Variants in CYP4F3 observed in about 807,000 individuals in gnomAD.
CYP4F3 encodes the protein cytochrome P450 family 4 subfamily F member 3.
Under a neutral mutation model 54.8 loss-of-function variants are expected in CYP4F3, and 50 were observed. The ratio of observed to expected loss-of-function variants is 0.91; its 90% CI spans 0.73 to 1.16. CYP4F3 has a LOEUF of 1.16. Ranked by LOEUF, CYP4F3 falls within the 50% of genes most tolerant of loss-of-function variation. The probability of loss-of-function intolerance (pLI) is 0.00; values close to 1 mark genes in which losing one functional copy is unlikely to be tolerated. For synonymous variants in CYP4F3, 244 were observed against 262.6 expected (o/e 0.93, Z 0.69); for missense variants, 715 against 676.2 (o/e 1.06, Z -0.64).
At position 15,658,568 on chromosome 19, in the gene CYP4F3, C is replaced by T. The variant is rs530781038; in HGVS notation, c.1314+13C>T. 2.4e-4 allele frequency: 387 copies of T among 1,613,994 alleles called. 3 individuals are homozygous for T. Among genetic ancestry groups the T allele is most frequent in the Middle Eastern group, 2.0e-3 (12 of 6,058 alleles). On this transcript the variant is annotated intron_variant, in intron 11 of 12. Coordinates refer to ENST00000221307, the MANE Select transcript of CYP4F3 (RefSeq NM_000896.3). ...GCCGGACCCTGAGGTGCGGGCCCCC[C>T]GTCTCTGTTTTTGTCCATTCCAAGG... is the stretch of plus-strand genomic sequence containing the variant.
rs775528238 is a variant in CYP4F3 at position 15,650,047 on chromosome 19, G to T, written c.782G>T (p.Arg261Leu). 1.2e-6 allele frequency: 2 copies of T among 1,614,140 alleles called. No individual in the cohort carries two copies. Among genetic ancestry groups the T allele is most frequent in the South Asian group, 2.2e-5 (2 of 91,082 alleles). The change falls in exon 7 of 13, where the codon CGC becomes CTC. Residue 261 changes from arginine (R) to leucine (L), a missense_variant. Transcript: ENST00000221307. ...GGGCAGCGTTTCCGCAGGGCCTGCC[G>T]CCTGGTGCACGACTTCACAGATGCC... ...PDGQRFRRAC[R>L]LVHDFTDAVI...
chr19:15,658,684 C>A (rs746112714), intron 11 of CYP4F3, 43 bp from the exon 12 acceptor site: 1 of 1,611,994 alleles, frequency 6.2e-7, no homozygotes, highest in Non-Finnish European at 8.5e-7. Context: ...GGCTGGCGGA[C>A]TGGGAGACCC....
intron 9 of CYP4F3, 90 bp from the exon 10 acceptor site, chr19:15,658,174 G>C: frequency 6.4e-7 from 1 of 1,565,540 alleles, no homozygotes; most frequent in Non-Finnish European, 8.6e-7. Context: ...TTCGTTACAG[G>C]GAGAAAAGGT....
intron 7 of CYP4F3, among the ~76,000 whole-genome samples, chr19:15,651,776 T>C (rs994156015): frequency 1.3e-5 from 2 of 152,216 alleles, no homozygotes; most frequent in African/African-American, 4.8e-5. Flanking sequence ...TGTGTTTGTG[T>C]CTAAGTCTAT....
intron 9 of CYP4F3, chr19:15,658,058 T>C: frequency 3.2e-6 from 3 of 940,204 alleles, no homozygotes; most frequent in Non-Finnish European, 3.8e-6. Context: ...TCATGTCTTT[T>C]TCTGAGCTCT....
intron 5 of CYP4F3, among the ~76,000 whole-genome samples, chr19:15,648,393 T>C (rs148849234): frequency 8.6e-5 from 13 of 151,976 alleles, no homozygotes; most frequent in African/African-American, 2.9e-4. Flanking sequence ...AATCTGTTTT[T>C]ATAGCAAGCA....
intron 9 of CYP4F3, among the ~76,000 whole-genome samples, chr19:15,656,180 T>C (rs1973005349): frequency 6.6e-6 from 1 of 152,146 alleles, no homozygotes; most frequent in Non-Finnish European, 1.5e-5. Flanking sequence ...TTGTCTCTTC[T>C]GCACCTGGCT....
At chr19:15,658,941 A>G in intron 12 of CYP4F3, 132 bp downstream of exon 12, 1 of 1,335,524 alleles carries the variant, frequency 7.5e-7, no homozygotes, top group Middle Eastern at 1.9e-4. Flanking sequence ...TCTGGAGTTT[A>G]TGGGAAAAGG....
chr19:15,645,872 T>A lies in CYP4F3; in HGVS notation c.343+9T>A. The A allele has an allele frequency of 6.3e-7, 1 of 1,596,502 alleles. No individual in the cohort carries two copies. The highest frequency in any genetic ancestry group is 8.5e-7 in the Non-Finnish European group (1 of 1,169,740). On this transcript the variant is annotated intron_variant, in intron 3 of 12. Transcript: ENST00000221307. ...TGTGCTCTTTGCTCCAGGTAGACAC[T>A]GCACTGGCCACTCCAGGTAGACACT...
chr19:15,645,564 G>A, intron 2 of CYP4F3, among the ~76,000 whole-genome samples, 155 bp from the exon 3 acceptor site: 1 of 152,196 alleles, frequency 6.6e-6, no homozygotes, highest in East Asian at 1.9e-4. Context: ...CTGCATGGAG[G>A]ATGTGAGGAG....
At position 15,650,806 on chromosome 19, in the gene CYP4F3, T is replaced by TTCTC. The variant is rs1366759584; in HGVS notation, c.918+625_918+628dup. Among the ~76,000 whole-genome samples the TTCTC allele has an allele frequency of 1.5e-4, 2 of 13,694 alleles. 1 individual carries two copies. Among genetic ancestry groups the TTCTC allele is most frequent in the African/African-American group, 1.0e-3 (2 of 1,948 alleles). 9.0% of individuals were successfully genotyped at this position (13,694 alleles called of 152,430 possible). A position where few individuals can be genotyped will look rare whatever the true frequency, so the allele number is the denominator to read the frequency against. On this transcript the variant is annotated intron_variant, in intron 7 of 12. Transcript: ENST00000221307. ...TTCTTTCTTTCTTTCTTTCTCTCTC[T>TTCTC]TCTCTTTCTTTCTTTCTTTCTTTCT... is the stretch of plus-strand genomic sequence containing the variant.
Position 15,658,061 on chromosome 19 carries a change from T to C in CYP4F3, c.1116-203T>C, listed in dbSNP as rs903473389. 1.9e-5 allele frequency: 18 copies of C among 945,226 alleles called. No homozygotes were observed. In the African/African-American group the frequency reaches 3.2e-4, roughly 17 times the overall value. 58.6% of individuals were successfully genotyped at this position (945,226 alleles called of 1,614,324 possible). On this transcript the variant is annotated intron_variant, in intron 9 of 12. Coordinates refer to ENST00000221307, the MANE Select transcript of CYP4F3 (RefSeq NM_000896.3). ...TTTCTCTTATTCTCATGTCTTTTTCTGAGCTCTTTATGCTGTTCCATGGGT... is the reference window on the plus strand; with the variant it reads ...TTTCTCTTATTCTCATGTCTTTTTCCGAGCTCTTTATGCTGTTCCATGGGT...
intron 9 of CYP4F3, among the ~76,000 whole-genome samples, chr19:15,653,735 G>GGAGAGAGAGAGAGAGAGAGAGAGA (rs60874509): frequency 2.7e-5 from 3 of 111,770 alleles, no homozygotes; most frequent in African/African-American, 1.0e-4. Flanking sequence ...AAGAGAGAGA[G>GGAGAGAGAGAGAGAGAGAGAGAGA]GAGAGAGAGA....
chr19:15,643,027 T>A (rs992294397), intron 2 of CYP4F3, among the ~76,000 whole-genome samples: 1 of 150,284 alleles, frequency 6.7e-6, no homozygotes, highest in East Asian at 2.0e-4. Flanking sequence ...GATAGCTAGA[T>A]GATTGATAGA....
In CYP4F3 at chr19:15,659,285, G is replaced by C. The variant is rs1973127267; in HGVS notation, c.1463G>C (p.Arg488Pro). The change falls in exon 13 of 13, where the codon CGC becomes CCC. Residue 488 changes from arginine (R) to proline (P), a missense_variant. Transcript: ENST00000221307. ...GTGGTCCTGGGGCTCACGCTGCTGC[G>C]CTTCCGCGTCCTGCCTGACCACACC... ...MKVVLGLTLLRFRVLPDHTEP... is the reference protein window; with the variant it reads ...MKVVLGLTLLPFRVLPDHTEP... The C allele has an allele frequency of 2.5e-6, 4 of 1,613,502 alleles. No individual in the cohort carries two copies. The highest frequency in any genetic ancestry group is 1.3e-5 in the African/African-American group (1 of 74,888).
chr19:15,658,631 C>G, intron 11 of CYP4F3, 76 bp downstream of exon 11: 1 of 1,608,656 alleles, frequency 6.2e-7, no homozygotes, highest in East Asian at 2.2e-5. Flanking sequence ...TCAGGAGAAT[C>G]CAACATCACC....
rs912585907 is a variant in CYP4F3, at chr19:15,662,783, T to C, written c.*3398T>C. ...GTTAAATGTACAGCTGAGAATTTAA[T>C]TTTTTCTGGTGTACAATGCTAATAA... On this transcript the variant is annotated 3_prime_UTR_variant, in exon 13 of 13. Transcript: ENST00000221307. 6.6e-6 allele frequency: 1 copy of C among 152,218 alleles called. No homozygotes were observed. The highest frequency in any genetic ancestry group is 1.5e-5 in the Non-Finnish European group (1 of 68,036). 9.4% of individuals were successfully genotyped at this position (152,218 alleles called of 1,614,324 possible). A position where few individuals can be genotyped will look rare whatever the true frequency, so the allele number is the denominator to read the frequency against.
At chr19:15,650,348 T>C (rs1972758831) in intron 7 of CYP4F3, 165 bp downstream of exon 7, 2 of 1,333,700 alleles carry the variant, frequency 1.5e-6, no homozygotes, top group African/African-American at 1.5e-5. Context: ...CTCTGTGGAC[T>C]AGCACCTACC....
Position 15,650,164 on chromosome 19 carries a change from A to G in CYP4F3, c.899A>G (p.Asp300Gly), listed in dbSNP as rs201590530. ...AAATCCAAGACTTTGGACTTCATTG[A>G]TGTACTCCTGCTGAGCAAGGTGGGC... ...KAKSKTLDFIDVLLLSKDEDG... is the reference protein window; with the variant it reads ...KAKSKTLDFIGVLLLSKDEDG... Residue 300 changes from aspartate to glycine, a missense_variant, in exon 7 of 13, where the codon GAT (aspartate) becomes GGT (glycine). By Grantham distance (94) the Asp-to-Gly change is moderately conservative (BLOSUM62 -1). Coordinates refer to ENST00000221307, the MANE Select transcript of CYP4F3 (RefSeq NM_000896.3). 4.3e-6 allele frequency: 7 copies of G among 1,614,160 alleles called. No individual in the cohort carries two copies. Among genetic ancestry groups the G allele is most frequent in the Non-Finnish European group, 4.2e-6 (5 of 1,180,020 alleles).
Sources: gnomAD v4.1 joint callset for allele counts (sites outside exome capture counted in the v4.1 genomes callset) on GRCh38, gnomAD v4.1.1 for gene constraint, MANE v1.5 for transcripts, NCBI Gene and HGNC (gene_info 2026-07-23, HGNC 2026-07-21) for gene names.